RARB: variants seen among roughly 807,000 people sequenced by gnomAD.
RARB encodes the protein HBV-activated protein.
A neutral mutation model predicts 51.9 loss-of-function variants in RARB; 17 were observed. That is an observed-to-expected ratio of 0.33 (90% CI 0.22 to 0.49). RARB has a LOEUF of 0.49. Ranked by LOEUF, RARB falls within the 20% of genes least tolerant of loss-of-function variation. The pLI, the probability that RARB is intolerant of heterozygous loss-of-function variation, is 0.99. For synonymous variants in RARB, 215 were observed against 195.4 expected (o/e 1.10, Z -0.84); for missense variants, 369 against 550.8 (o/e 0.67, Z 3.30).
At chr3:24,973,562 A>G (rs537301819) in intron 2 of RARB, among the ~76,000 whole-genome samples, 1 of 152,062 alleles carries the variant, frequency 6.6e-6, no homozygotes, top group South Asian at 2.1e-4. Flanking sequence ...TAGTAGTCTC[A>G]TTTTAACAAT....
At chr3:25,272,663 G>T (rs1310804605) in intron 5 of RARB, among the ~76,000 whole-genome samples, 2 of 152,234 alleles carry the variant, frequency 1.3e-5, no homozygotes, top group Non-Finnish European at 2.9e-5. Context: ...ATATTCTGAA[G>T]TTCAGCCAGG....
At chr3:24,881,318 G>A (rs1019473243) in intron 2 of RARB, among the ~76,000 whole-genome samples, 1 of 151,996 alleles carries the variant, frequency 6.6e-6, no homozygotes, top group African/African-American at 2.4e-5. Context: ...CAAGATCTTC[G>A]TTTTTAAGAA....
chr3:25,197,995 A>C (rs563964157), intron 5 of RARB, among the ~76,000 whole-genome samples: 1 of 152,030 alleles, frequency 6.6e-6, no homozygotes, highest in East Asian at 1.9e-4. Context: ...AGCATAAAGA[A>C]CAAAACTGGA....
rs143444103 is a variant in RARB at position 25,391,713 on chromosome 3, C to A, written c.179-69480C>A. 5.0e-4 allele frequency among the ~76,000 whole-genome samples: 76 copies of A among 152,070 alleles called. 1 individual carries two copies. The highest frequency in any genetic ancestry group is 1.9e-3 in the Admixed American group (29 of 15,264). ...TCTTTTGAGAATTGTCTATTTATGT[C>A]CTTAGCCCACTTTTTGATGGGATTG... On this transcript the variant is annotated intron_variant, in intron 5 of 11. Transcript: ENST00000383772.
At chr3:25,159,364 T>G (rs1049161661) in intron 4 of RARB, among the ~76,000 whole-genome samples, 1 of 150,912 alleles carries the variant, frequency 6.6e-6, no homozygotes, top group Non-Finnish European at 1.5e-5. Context: ...AGACCGGGTT[T>G]CTCCATGTTG....
chr3:24,902,478 C>T (rs1390869151), intron 2 of RARB, among the ~76,000 whole-genome samples: 1 of 152,006 alleles, frequency 6.6e-6, no homozygotes, highest in Non-Finnish European at 1.5e-5. Flanking sequence ...GGCTTATTGG[C>T]AGTGCTTTAA....
chr3:24,891,207 C>T (rs1371958868), intron 2 of RARB, among the ~76,000 whole-genome samples: 2 of 152,110 alleles, frequency 1.3e-5, no homozygotes, highest in Non-Finnish European at 2.9e-5. Context: ...TTTGACGTTC[C>T]TTTCTACATA....
intron 5 of RARB, among the ~76,000 whole-genome samples, chr3:25,329,712 C>T (rs1199557306): frequency 6.6e-6 from 1 of 151,948 alleles, no homozygotes; most frequent in Non-Finnish European, 1.5e-5. Flanking sequence ...ATAACAAACT[C>T]CTCCAAGCTA....
chr3:25,209,196 A>T (rs1004884577), intron 5 of RARB, among the ~76,000 whole-genome samples: 7 of 152,166 alleles, frequency 4.6e-5, no homozygotes, highest in Non-Finnish European at 8.8e-5. Context: ...GGTCAGTTGG[A>T]ACTCCATTTT....
At chr3:25,274,006 G>A (rs1324031342) in intron 5 of RARB, among the ~76,000 whole-genome samples, 1 of 152,112 alleles carries the variant, frequency 6.6e-6, no homozygotes, top group Non-Finnish European at 1.5e-5. Flanking sequence ...CCCACCCTGG[G>A]ATGGTTCTCA....
intron 4 of RARB, among the ~76,000 whole-genome samples, chr3:25,171,643 T>TAAAAAAAAAA (rs770248970): frequency 0.014 from 631 of 45,366 alleles, 131 homozygotes; most frequent in African/African-American, 0.033. Context: ...CCCTGGTTGG[T>TAAAAAAAAAA]AAAAAAAAAA....
At chr3:25,419,612 T>A (rs554927397) in intron 5 of RARB, among the ~76,000 whole-genome samples, 1 of 152,266 alleles carries the variant, frequency 6.6e-6, no homozygotes, top group Admixed American at 6.5e-5. Flanking sequence ...GTGTGCAGAA[T>A]GAAAACCCGA....
At chr3:24,973,295 A>T (rs1696441289) in intron 2 of RARB, among the ~76,000 whole-genome samples, 1 of 151,934 alleles carries the variant, frequency 6.6e-6, no homozygotes, top group Non-Finnish European at 1.5e-5. Flanking sequence ...AAAAGTGTAG[A>T]TTTATATCTG....
At chr3:24,953,623 G>C (rs541439663) in intron 2 of RARB, among the ~76,000 whole-genome samples, 2 of 152,292 alleles carry the variant, frequency 1.3e-5, no homozygotes, top group East Asian at 1.9e-4. Context: ...CTAGATGATA[G>C]ATAGACACTG....
At chr3:24,925,643 CTT>C (rs564076072) in intron 2 of RARB, among the ~76,000 whole-genome samples, 1,029 of 96,764 alleles carry the variant, frequency 0.011, 22 homozygotes, top group African/African-American at 0.037. Context: ...CAGATCCTGT[CTT>C]TTTTTTTTTT....
In RARB at chr3:25,578,943, G is replaced by A. The variant is rs141069653; in HGVS notation, c.610-1603G>A. 6.0e-3 allele frequency among the ~76,000 whole-genome samples: 910 copies of A among 152,284 alleles called. 9 individuals carry two copies. The highest frequency in any genetic ancestry group is 0.021 in the African/African-American group (872 of 41,564). The stretch of plus-strand genomic sequence containing the variant: ...TCAGAGAACCAAACGTCAGCCTTTT[G>A]TTGGATAGTAAATTACAAATATCTC... On this transcript the variant is annotated intron_variant, in intron 4 of 7. Transcript: ENST00000330688.
chr3:25,387,201 C>T (rs75296651), intron 5 of RARB, among the ~76,000 whole-genome samples: 1,545 of 152,288 alleles, frequency 0.01, 38 homozygotes, highest in African/African-American at 0.035. Flanking sequence ...AAAACAGTGG[C>T]TTAATTCCTT....
intron 2 of RARB, among the ~76,000 whole-genome samples, chr3:25,003,444 C>G (rs1298103315): frequency 6.6e-6 from 1 of 152,096 alleles, no homozygotes; most frequent in Non-Finnish European, 1.5e-5. Context: ...ATGGTCCACT[C>G]TTGTTTCTAC....
intron 2 of RARB, among the ~76,000 whole-genome samples, chr3:25,500,367 G>A (rs1247192885): frequency 1.3e-5 from 2 of 151,326 alleles, no homozygotes; most frequent in East Asian, 3.9e-4. Flanking sequence ...TGTTGTGAGA[G>A]GAGCTATGTA....
Sources: gnomAD v4.1 joint callset for allele counts (sites outside exome capture counted in the v4.1 genomes callset) on GRCh38, gnomAD v4.1.1 for gene constraint, MANE v1.5 for transcripts, NCBI Gene and HGNC (gene_info 2026-07-23, HGNC 2026-07-21) for gene names.